The following REV1 variants were observed in gnomAD, a reference collection of about 807,000 sequenced individuals.
The protein encoded by REV1 is REV1 DNA directed polymerase.
REV1 carries 42 observed loss-of-function variants against 137.4 expected under a neutral mutation model. The observed-to-expected ratio is 0.31, with a 90% CI of 0.24 to 0.40. REV1 has a LOEUF of 0.40. Ranked by LOEUF, REV1 falls within the 10% of genes least tolerant of loss-of-function variation. The probability of loss-of-function intolerance (pLI) is 1.00; values close to 1 mark genes in which losing one functional copy is unlikely to be tolerated. For missense variants in REV1, 1,282 were observed against 1,490.1 expected (o/e 0.86, Z 2.30); for synonymous variants, 524 against 519.2 (o/e 1.01, Z -0.12).
rs1675273164 is a variant in REV1, at chr2:99,400,782, A to G, written c.*459T>C. On this transcript the variant is annotated 3_prime_UTR_variant, in exon 23 of 23. Transcript: ENST00000258428. ...GGAGACAAGAATAAGATGGTTTAGA[A>G]GCTTTACCCTTTCTTGGAACAAGTA... 1 of 153,058 alleles carries G rather than the reference A, an allele frequency of 6.5e-6. No homozygotes were observed. Among genetic ancestry groups the G allele is most frequent in the African/African-American group, 2.4e-5 (1 of 41,456 alleles). 9.5% of individuals were successfully genotyped at this position (153,058 alleles called of 1,614,324 possible). A position where few individuals can be genotyped will look rare whatever the true frequency, so the allele number is the denominator to read the frequency against.
At chr2:99,451,466 A>G (rs1217433790) in intron 3 of REV1, 6 of 1,304,210 alleles carry the variant, frequency 4.6e-6, no homozygotes, top group South Asian at 2.5e-5. Context: ...AAGCTCTTAC[A>G]TATTCTTCAG....
intron 19 of REV1, 46 bp from the exon 20 acceptor site, chr2:99,403,152 A>T (rs769315424): frequency 1.5e-6 from 2 of 1,325,394 alleles, no homozygotes; most frequent in Non-Finnish European, 2.0e-6. Context: ...GATAGTATGG[A>T]TAGTCTGGAT....
At position 99,407,987 on chromosome 2, in the gene REV1, C is replaced by T. The variant is rs375371261; in HGVS notation, c.2448+42G>A. The stretch of plus-strand genomic sequence containing the variant: ...GAGCAAGCCTCAAAAATGAGAGATA[C>T]ATTACACAAAGTCAGAATTTACAAT... On this transcript the variant is annotated intron_variant, in intron 15 of 22. Coordinates refer to ENST00000258428, the MANE Select transcript of REV1 (RefSeq NM_016316.4). The T allele has an allele frequency of 1.6e-4, 201 of 1,240,550 alleles. 1 individual carries two copies. Among genetic ancestry groups the T allele is most frequent in the Non-Finnish European group, 2.2e-4 (197 of 883,118 alleles). The allele number at this position is 1,240,550 out of a possible 1,614,324, so 76.8% of individuals were successfully genotyped here. A position where few individuals can be genotyped will look rare whatever the true frequency, so the allele number is the denominator to read the frequency against.
At chr2:99,460,671 A>T (rs1430263361) in intron 3 of REV1, among the ~76,000 whole-genome samples, 1 of 152,132 alleles carries the variant, frequency 6.6e-6, no homozygotes, top group Non-Finnish European at 1.5e-5. Context: ...TTCTAAAAAT[A>T]AAGTTATTTT....
At chr2:99,477,488 A>G (rs963201016) in intron 1 of REV1, among the ~76,000 whole-genome samples, 2 of 152,196 alleles carry the variant, frequency 1.3e-5, no homozygotes, top group African/African-American at 2.4e-5. Context: ...TACAGGAGAA[A>G]GAAAAACTTA....
intron 1 of REV1, among the ~76,000 whole-genome samples, chr2:99,483,690 A>G (rs1176840161): frequency 6.6e-6 from 1 of 152,244 alleles, no homozygotes; most frequent in Non-Finnish European, 1.5e-5. Context: ...TAATTTTACA[A>G]GAACATATCG....
chr2:99,466,524 G>A (rs548686561), intron 1 of REV1, among the ~76,000 whole-genome samples: 1 of 152,186 alleles, frequency 6.6e-6, no homozygotes, highest in African/African-American at 2.4e-5. Flanking sequence ...TTACAGGCAT[G>A]AGCCACCATG....
chr2:99,413,613 C>T (rs928729040), intron 12 of REV1, among the ~76,000 whole-genome samples: 1 of 152,152 alleles, frequency 6.6e-6, no homozygotes, highest in Non-Finnish European at 1.5e-5. Context: ...CAGCAGGCAG[C>T]AGTCCCTATG....
At chr2:99,433,764 CAG>C (rs989844654) in intron 8 of REV1, among the ~76,000 whole-genome samples, 4 of 152,054 alleles carry the variant, frequency 2.6e-5, no homozygotes, top group Non-Finnish European at 5.9e-5. Context: ...TGAATTTACT[CAG>C]GGGAAAAAAG....
intron 15 of REV1, among the ~76,000 whole-genome samples, chr2:99,407,080 CTTTTTTTTTTTTT>C (rs869170472): frequency 2.8e-4 from 17 of 60,046 alleles, no homozygotes; most frequent in Middle Eastern, 0.025. Context: ...TACAAAGGTT[CTTTTTTTTTTTTT>C]TTTTTTTTTT....
chr2:99,403,056 T>G lies in REV1; in HGVS notation c.3217A>C (p.Arg1073=), dbSNP rs767923457. The change falls in exon 20 of 23, where the codon AGA becomes CGA. Residue 1073 remains arginine, a synonymous_variant. Coordinates refer to ENST00000258428, the MANE Select transcript of REV1 (RefSeq NM_016316.4). ...CCAATGGTTTTTTTCTTCTTGTTTC[T>G]TTTCTTTTCTTTCACTGCTGCCTTT... ...HLKAAVKEKK[R]NKKKKTIGSP... 15 of 1,607,886 alleles carry G rather than the reference T, an allele frequency of 9.3e-6. No homozygotes were observed. The highest frequency in any genetic ancestry group is 3.3e-4 in the Middle Eastern group (2 of 6,070).
At chr2:99,487,104 T>A (rs1687227906) in intron 1 of REV1, among the ~76,000 whole-genome samples, 1 of 152,112 alleles carries the variant, frequency 6.6e-6, no homozygotes, top group South Asian at 2.1e-4. Context: ...GAAGGGGTGG[T>A]CCAGCTAAAA....
At chr2:99,427,345 G>A (rs1034023761) in intron 9 of REV1, among the ~76,000 whole-genome samples, 3 of 152,108 alleles carry the variant, frequency 2.0e-5, no homozygotes, top group African/African-American at 4.8e-5. Flanking sequence ...TCTGTGTATC[G>A]TTACCTATTC....
intron 12 of REV1, among the ~76,000 whole-genome samples, chr2:99,413,474 A>G (rs926353514): frequency 1.3e-5 from 2 of 152,208 alleles, no homozygotes; most frequent in African/African-American, 4.8e-5. Context: ...ACATGCTATC[A>G]CACATACCAC....
intron 1 of REV1, among the ~76,000 whole-genome samples, chr2:99,471,580 ACTT>A (rs934870101): frequency 2.0e-5 from 3 of 152,132 alleles, no homozygotes; most frequent in Admixed American, 6.5e-5. Flanking sequence ...AAAATTTAAA[ACTT>A]CTGTGAATCA....
intron 4 of REV1, among the ~76,000 whole-genome samples, chr2:99,447,246 T>C (rs7563462): frequency 0.43 from 65,363 of 151,718 alleles, 14,320 homozygotes; most frequent in Admixed American, 0.58. Flanking sequence ...AACCTTTGTC[T>C]ACTGCAACCT....
chr2:99,459,568 T>A (rs75672359), intron 3 of REV1, among the ~76,000 whole-genome samples: 23,494 of 151,858 alleles, frequency 0.15, 1,972 homozygotes, highest in East Asian at 0.25. Flanking sequence ...CAGCTGGACA[T>A]GGTGGTACAC....
chr2:99,421,983 A>G (rs1471189441), intron 10 of REV1, among the ~76,000 whole-genome samples: 1 of 152,262 alleles, frequency 6.6e-6, no homozygotes, highest in Non-Finnish European at 1.5e-5. Flanking sequence ...CAATACTTCT[A>G]TAAACCTTTG....
intron 14 of REV1, among the ~76,000 whole-genome samples, chr2:99,409,983 A>AT (rs1676912281): frequency 6.6e-6 from 1 of 151,706 alleles, no homozygotes; most frequent in Non-Finnish European, 1.5e-5. Context: ...CTCCTTCACC[A>AT]TCATTTTTCT....
Sources: allele counts gnomAD v4.1 joint callset (sites outside exome capture counted in the v4.1 genomes callset), GRCh38; gene constraint gnomAD v4.1.1; transcripts MANE v1.5; gene names NCBI Gene and HGNC (gene_info 2026-07-23, HGNC 2026-07-21).